GPATCH8: variants seen among roughly 807,000 people sequenced by gnomAD.
GPATCH8 encodes the protein G-patch domain containing 8, also known as G patch domain-containing protein 8.
GPATCH8 carries 18 observed loss-of-function variants against 118.3 expected under a neutral mutation model. The observed-to-expected ratio is 0.15, with a 90% confidence interval of 0.11 to 0.23. The LOEUF (loss-of-function observed/expected upper bound fraction) is 0.23. GPATCH8 is among the 10% of genes least tolerant of loss of function. GPATCH8 has a pLI of 1.00. For synonymous variants in GPATCH8, 659 were observed against 684.7 expected (o/e 0.96, Z 0.59); for missense variants, 1,631 against 1,873.8 (o/e 0.87, Z 2.39).
At chr17:44,407,113 T>A (rs966879039) in intron 6 of GPATCH8, 1 of 152,118 alleles carries the variant, frequency 6.6e-6, no homozygotes, top group African/African-American at 2.4e-5. Flanking sequence ...TTACCTAATA[T>A]TTATGAAATG....
At chr17:44,453,930 TC>T (rs2051229791) in intron 3 of GPATCH8, among the ~76,000 whole-genome samples, 2 of 105,914 alleles carry the variant, frequency 1.9e-5, no homozygotes, top group African/African-American at 5.5e-5. Context: ...AAGTTTAACC[TC>T]AAAAAAAAAA....
intron 6 of GPATCH8, chr17:44,408,985 A>G (rs960886748): frequency 2.4e-4 from 37 of 152,210 alleles, no homozygotes; most frequent in Admixed American, 1.8e-3. Flanking sequence ...GACAGGACTC[A>G]GCAAACCATC....
intron 5 of GPATCH8, among the ~76,000 whole-genome samples, chr17:44,433,302 T>C (rs1319982147): frequency 6.6e-6 from 1 of 152,232 alleles, no homozygotes; most frequent in East Asian, 1.9e-4. Flanking sequence ...AAAATGAATC[T>C]GGCTTTTCTC....
intron 1 of GPATCH8, among the ~76,000 whole-genome samples, chr17:44,495,432 G>A (rs1028802571): frequency 6.6e-6 from 1 of 152,066 alleles, no homozygotes; most frequent in Admixed American, 6.6e-5. Context: ...CTGTTTTTCT[G>A]ATAATCATGC....
At chr17:44,434,944 A>C in intron 5 of GPATCH8, 121 bp downstream of exon 5, 1 of 720,040 alleles carries the variant, frequency 1.4e-6, no homozygotes, top group East Asian at 2.6e-5. Flanking sequence ...ATCTACTACT[A>C]ATTACCACCA....
intron 5 of GPATCH8, among the ~76,000 whole-genome samples, chr17:44,431,378 GAAAAAA>G (rs776468380): frequency 2.1e-5 from 1 of 47,808 alleles, no homozygotes; most frequent in Admixed American, 2.6e-4. Flanking sequence ...TCTCAAAAAG[GAAAAAA>G]AAAAAAAAAA....
At chr17:44,477,049 G>A (rs955513620) in intron 1 of GPATCH8, among the ~76,000 whole-genome samples, 7 of 152,216 alleles carry the variant, frequency 4.6e-5, no homozygotes, top group Middle Eastern at 3.4e-3. Context: ...TAGCCTAAAC[G>A]AATTCAGTGT....
intron 3 of GPATCH8, among the ~76,000 whole-genome samples, chr17:44,441,800 G>A (rs568969079): frequency 7.2e-5 from 11 of 151,728 alleles, no homozygotes; most frequent in African/African-American, 2.2e-4. Context: ...AGGCCGAGGC[G>A]GGTGGATCAC....
rs184104242 is a variant in GPATCH8, at chr17:44,501,253, C to T, written c.45+2073G>A. Among the ~76,000 whole-genome samples the T allele has an allele frequency of 1.4e-4, 22 of 152,108 alleles. No homozygotes were observed. In the East Asian group the frequency reaches 3.7e-3, roughly 25 times the overall value. On this transcript the variant is annotated intron_variant, in intron 1 of 7. Coordinates refer to ENST00000591680, the MANE Select transcript of GPATCH8 (RefSeq NM_001002909.4). ...CCAATACGGTGAAACCCCATCTCTA[C>T]TAAAAATACAAAAATTAGCCGGGTA...
intron 5 of GPATCH8, among the ~76,000 whole-genome samples, chr17:44,428,155 C>T (rs922528544): frequency 6.6e-6 from 1 of 151,746 alleles, no homozygotes; most frequent in African/African-American, 2.4e-5. Flanking sequence ...TGGTGGTGTG[C>T]ACCTGTAGTC....
At chr17:44,495,081 T>C (rs893152869) in intron 1 of GPATCH8, among the ~76,000 whole-genome samples, 2 of 152,130 alleles carry the variant, frequency 1.3e-5, no homozygotes, top group Admixed American at 1.3e-4. Context: ...ACACCTGTAA[T>C]CCCAGCACAT....
chr17:44,420,038 G>T (rs973107250), intron 6 of GPATCH8, among the ~76,000 whole-genome samples: 6 of 143,512 alleles, frequency 4.2e-5, no homozygotes, highest in Non-Finnish European at 6.1e-5. Context: ...GTACTACATG[G>T]TTTTTTTTTT....
intron 3 of GPATCH8, among the ~76,000 whole-genome samples, chr17:44,455,240 G>A (rs1773507268): frequency 6.6e-6 from 1 of 152,076 alleles, no homozygotes; most frequent in Non-Finnish European, 1.5e-5. Context: ...GGTGGCTCAC[G>A]CCTGTAATCC....
chr17:44,493,184 C>T (rs1017250194), intron 1 of GPATCH8, among the ~76,000 whole-genome samples: 3 of 151,920 alleles, frequency 2.0e-5, no homozygotes, highest in African/African-American at 7.3e-5. Flanking sequence ...GCCTCCCCTC[C>T]GCAGTAGGTG....
intron 1 of GPATCH8, among the ~76,000 whole-genome samples, chr17:44,501,967 G>C (rs1185006753): frequency 6.6e-6 from 1 of 151,824 alleles, no homozygotes; most frequent in Non-Finnish European, 1.5e-5. Context: ...GGATCAAAAG[G>C]CTAACATGAA....
At chr17:44,448,370 C>A (rs149963915) in intron 3 of GPATCH8, among the ~76,000 whole-genome samples, 47 of 151,236 alleles carry the variant, frequency 3.1e-4, no homozygotes, top group Middle Eastern at 3.5e-3. Flanking sequence ...CCAATCTAGG[C>A]AACATAGGGA....
intron 2 of GPATCH8, among the ~76,000 whole-genome samples, chr17:44,468,373 C>CTTTTTTT (rs869068538): frequency 6.0e-5 from 6 of 100,012 alleles, no homozygotes; most frequent in East Asian, 3.0e-4. Context: ...TTCTTTGTTC[C>CTTTTTTT]TTTTTTTTTT....
chr17:44,431,269 G>A (rs2050301621), intron 5 of GPATCH8, among the ~76,000 whole-genome samples: 1 of 151,296 alleles, frequency 6.6e-6, no homozygotes, highest in South Asian at 2.1e-4. Context: ...AGCTACTCAG[G>A]AGGCTGGGGC....
intron 1 of GPATCH8, among the ~76,000 whole-genome samples, chr17:44,484,699 T>C (rs1409034010): frequency 1.3e-5 from 2 of 152,226 alleles, no homozygotes; most frequent in Non-Finnish European, 2.9e-5. Flanking sequence ...CATGTCACTT[T>C]AGGCTTCTTT....
Sources: gnomAD v4.1 joint callset for allele counts (sites outside exome capture counted in the v4.1 genomes callset) on GRCh38, gnomAD v4.1.1 for gene constraint, MANE v1.5 for transcripts, NCBI Gene and HGNC (gene_info 2026-07-23, HGNC 2026-07-21) for gene names.